ADAM19: variants seen among roughly 807,000 people sequenced by gnomAD.
ADAM19 encodes ADAM metallopeptidase domain 19.
In ADAM19, 65 loss-of-function variants were observed where a neutral mutation model predicts 114.7. That is an observed-to-expected ratio of 0.57 (90% CI 0.46 to 0.70). ADAM19 has a LOEUF of 0.70. Ranked by LOEUF, ADAM19 falls within the 30% of genes least tolerant of loss-of-function variation. ADAM19 has a pLI of 0.00. For synonymous variants in ADAM19, 466 were observed against 460.5 expected, an observed-to-expected ratio of 1.01 and a Z score of -0.15; for missense variants, 1,063 against 1,204.7, an observed-to-expected ratio of 0.88 and a Z score of 1.74.
intron 20 of ADAM19, 22 bp from the exon 21 acceptor site, chr5:157,488,511 C>T (rs1325859875): frequency 6.5e-7 from 1 of 1,534,808 alleles, no homozygotes; most frequent in East Asian, 2.3e-5. Flanking sequence ...AGTCAAGGAA[C>T]ACCTGAGACA....
Position 157,501,213 on chromosome 5 carries a change from C to T in ADAM19, c.1309-1551G>A, listed in dbSNP as rs115502050. 7.5e-3 allele frequency among the ~76,000 whole-genome samples: 1,135 copies of T among 152,182 alleles called. 13 individuals carry two copies. Among genetic ancestry groups the T allele is most frequent in the African/African-American group, 0.026 (1,069 of 41,514 alleles). On this transcript the variant is annotated intron_variant, in intron 12 of 22. Transcript: ENST00000257527. Reference sequence around the variant, plus strand: ...CCTTCCTAATGTACCATATTTCTTCCCACGAAGGCACAGGCTCCCCTTCCA... The same window carrying T: ...CCTTCCTAATGTACCATATTTCTTCTCACGAAGGCACAGGCTCCCCTTCCA...
chr5:157,535,607 A>G (rs983576332), intron 4 of ADAM19, among the ~76,000 whole-genome samples: 1 of 152,238 alleles, frequency 6.6e-6, no homozygotes, highest in Non-Finnish European at 1.5e-5. Flanking sequence ...ACCTTCTGGA[A>G]GGAGGGGATT....
intron 14 of ADAM19, among the ~76,000 whole-genome samples, chr5:157,496,013 C>T (rs1474524159): frequency 7.2e-6 from 1 of 139,398 alleles, no homozygotes; most frequent in Non-Finnish European, 1.5e-5. Flanking sequence ...TGGAGTGGCT[C>T]ACTGCAGCCT....
intron 21 of ADAM19, among the ~76,000 whole-genome samples, chr5:157,486,674 G>A (rs1413225375): frequency 2.6e-5 from 4 of 151,808 alleles, no homozygotes; most frequent in South Asian, 2.1e-4. Context: ...CTGCTCGCCC[G>A]ACCCACTCCC....
chr5:157,484,034 A>T (rs576806642), intron 21 of ADAM19, among the ~76,000 whole-genome samples: 2 of 151,260 alleles, frequency 1.3e-5, no homozygotes, highest in Admixed American at 1.3e-4. Flanking sequence ...TATTTTGTTC[A>T]TGTTGGTTGT....
intron 22 of ADAM19, 87 bp downstream of exon 22, chr5:157,481,704 G>T: frequency 1.3e-6 from 2 of 1,551,816 alleles, no homozygotes; most frequent in Non-Finnish European, 1.7e-6. Flanking sequence ...CAAGAAGCAT[G>T]AATTGCTTTG....
intron 22 of ADAM19, chr5:157,481,288 A>G (rs1018960284): frequency 8.7e-6 from 5 of 573,984 alleles, no homozygotes; most frequent in Non-Finnish European, 1.2e-5. Flanking sequence ...GTGGGAATAC[A>G]GCATGGTCAG....
intron 21 of ADAM19, among the ~76,000 whole-genome samples, chr5:157,484,115 C>T (rs1754851106): frequency 6.6e-6 from 1 of 152,198 alleles, no homozygotes; most frequent in South Asian, 2.1e-4. Context: ...CTCACCATCT[C>T]CACAAGGCTT....
In ADAM19 at chr5:157,489,162, G is replaced by C; in HGVS notation, c.2265C>G (p.Asn755Lys). 1 of 1,614,074 alleles carries C rather than the reference G, an allele frequency of 6.2e-7. No individual in the cohort carries two copies. The highest frequency in any genetic ancestry group is 8.5e-7 in the Non-Finnish European group (1 of 1,179,920). ...TTGGGTTGGCATGACCAGTCCCGCT[G>C]TTCTGAGAAACCCTGAAGGGACAAC... ...QFSCPFRVSQ[N>K]SGTGHANPTF... The change falls in exon 20 of 23, where the codon AAC becomes AAG. Residue 755 changes from asparagine (N) to lysine (K), a missense_variant. Asn to Lys is a moderately conservative substitution (Grantham distance 94). Around this residue, in one of 3 missense-constraint regions of ADAM19, gnomAD observed 424 missense variants for 445.5 expected, o/e 0.95. Coordinates refer to ENST00000257527, the MANE Select transcript of ADAM19 (RefSeq NM_033274.5).
At chr5:157,565,225 C>A (rs145261667) in intron 2 of ADAM19, among the ~76,000 whole-genome samples, 1 of 152,138 alleles carries the variant, frequency 6.6e-6, no homozygotes, top group Non-Finnish European at 1.5e-5. Flanking sequence ...TAATAAACCA[C>A]CTCCCCACGT....
In ADAM19 at chr5:157,505,717, C is replaced by G. The variant is rs1755720896; in HGVS notation, c.1082G>C (p.Cys361Ser). The change falls in exon 11 of 23, where the codon TGC becomes TCC. Residue 361 changes from cysteine (C) to serine (S), a missense_variant. Cys to Ser is a moderately radical substitution (Grantham distance 112). Around this residue, in one of 3 missense-constraint regions of ADAM19, gnomAD observed 615 missense variants for 706.3 expected, o/e 0.87. Transcript: ENST00000257527. ...CCCACCATCAGCCGCACTGGCCGAG[C>G]AGCAATCTGCAGAATCATGGGTCAT... is the stretch of plus-strand genomic sequence containing the variant. Reference protein sequence around the residue: ...FGMTHDSADCCSASAADGGCI... With the variant: ...FGMTHDSADCSSASAADGGCI... 6.2e-7 allele frequency: 1 copy of G among 1,614,026 alleles called. No homozygotes were observed. The highest frequency in any genetic ancestry group is 1.7e-5 in the Admixed American group (1 of 59,996).
chr5:157,519,725 T>C, intron 6 of ADAM19, 114 bp downstream of exon 6: 1 of 1,010,904 alleles, frequency 9.9e-7, no homozygotes, highest in Admixed American at 2.4e-5. Flanking sequence ...ACTATTTCCT[T>C]TTTCTTAGGC....
At chr5:157,554,963 C>G (rs1757325962) in intron 3 of ADAM19, among the ~76,000 whole-genome samples, 1 of 151,972 alleles carries the variant, frequency 6.6e-6, no homozygotes, top group Non-Finnish European at 1.5e-5. Flanking sequence ...CTAACCAGGG[C>G]CTGGGAAAGG....
At chr5:157,533,115 G>A (rs1561546270) in intron 4 of ADAM19, among the ~76,000 whole-genome samples, 1 of 152,132 alleles carries the variant, frequency 6.6e-6, no homozygotes, top group South Asian at 2.1e-4. Context: ...AGCCAGCCAT[G>A]CAGCCAGATC....
chr5:157,510,538 G>A (rs1432225890), intron 8 of ADAM19, among the ~76,000 whole-genome samples: 3 of 152,056 alleles, frequency 2.0e-5, no homozygotes, highest in African/African-American at 4.8e-5. Flanking sequence ...TCATCACATC[G>A]GTGAGATCCC....
intron 22 of ADAM19, 165 bp from the exon 23 acceptor site, chr5:157,481,167 C>T (rs1754734663): frequency 7.8e-6 from 7 of 893,750 alleles, no homozygotes; most frequent in Admixed American, 2.5e-5. Context: ...AGACCATCAG[C>T]CCTGCAGGAA....
At chr5:157,556,203 C>G (rs1011872597) in intron 3 of ADAM19, among the ~76,000 whole-genome samples, 3 of 77,316 alleles carry the variant, frequency 3.9e-5, no homozygotes, top group African/African-American at 9.9e-5. Flanking sequence ...GTTTTTTTTT[C>G]TTTTTCTTTT....
intron 8 of ADAM19, 37 bp downstream of exon 8, chr5:157,513,397 C>T: frequency 6.2e-7 from 1 of 1,603,960 alleles, no homozygotes; most frequent in Non-Finnish European, 8.5e-7. Context: ...GTGCTGGCAC[C>T]TGGCACCTTT....
Position 157,480,530 on chromosome 5 carries a change from G to A in ADAM19, c.*419C>T, listed in dbSNP as rs1754714110. ...ATCCAGCCCGGGACCTCTGAGGAGA[G>A]CAGAAGCAATGGGAAGCTCTCTTGC... On this transcript the variant is annotated 3_prime_UTR_variant, in exon 23 of 23. Transcript: ENST00000257527. The A allele has an allele frequency of 3.0e-6, 3 of 1,016,884 alleles. No homozygotes were observed. Among genetic ancestry groups the A allele is most frequent in the South Asian group, 4.0e-5 (1 of 24,834 alleles). 63.0% of individuals were successfully genotyped at this position (1,016,884 alleles called of 1,614,324 possible). A position where few individuals can be genotyped will look rare whatever the true frequency, so the allele number is the denominator to read the frequency against.
Sources: allele counts gnomAD v4.1 joint callset (sites outside exome capture counted in the v4.1 genomes callset), GRCh38; gene constraint gnomAD v4.1.1; regional missense constraint gnomAD v4.1.1; transcripts MANE v1.5; gene names NCBI Gene and HGNC (gene_info 2026-07-23, HGNC 2026-07-21).